BACH2: variants seen among roughly 807,000 people sequenced by gnomAD.
The protein encoded by BACH2 is BACH transcriptional regulator 2, also known as transcription regulator protein BACH2.
Under a neutral mutation model 61.8 loss-of-function variants are expected in BACH2, and 5 were observed. That is an observed-to-expected ratio of 0.08 (90% CI 0.04 to 0.17). The LOEUF is 0.17. Among genes scored for constraint, BACH2 ranks in the 10% least tolerant of loss-of-function variants. The probability of loss-of-function intolerance (pLI) is 1.00; values close to 1 mark genes in which losing one functional copy is unlikely to be tolerated. For synonymous variants in BACH2, 446 were observed against 440.1 expected (o/e 1.01, Z -0.17); for missense variants, 824 against 1,091.1 (o/e 0.76, Z 3.45).
intron 6 of BACH2, among the ~76,000 whole-genome samples, chr6:89,956,174 G>A (rs974671228): frequency 6.6e-5 from 10 of 152,128 alleles, no homozygotes; most frequent in African/African-American, 1.4e-4. Context: ...GCCTCATTTC[G>A]AAGAACATTT....
At chr6:90,058,191 T>A (rs1186246809) in intron 5 of BACH2, among the ~76,000 whole-genome samples, 1 of 152,214 alleles carries the variant, frequency 6.6e-6, no homozygotes, top group Non-Finnish European at 1.5e-5. Context: ...TTGTCCCTCT[T>A]TGCAGATGAC....
intron 5 of BACH2, among the ~76,000 whole-genome samples, chr6:90,069,950 G>C (rs1781146995): frequency 1.3e-5 from 2 of 152,168 alleles, no homozygotes; most frequent in South Asian, 4.1e-4. Flanking sequence ...TTGACTGGCA[G>C]AGGTGGGTGA....
intron 5 of BACH2, among the ~76,000 whole-genome samples, chr6:90,053,077 T>C (rs1184123415): frequency 6.6e-6 from 1 of 152,184 alleles, no homozygotes; most frequent in Non-Finnish European, 1.5e-5. Flanking sequence ...CCAAAGTTAG[T>C]AGTTTAACCC....
chr6:90,180,791 A>G (rs1768131408), intron 4 of BACH2, among the ~76,000 whole-genome samples: 1 of 151,966 alleles, frequency 6.6e-6, no homozygotes, highest in African/African-American at 2.4e-5. Context: ...ATGGAATGGA[A>G]TGCATTCTAT....
At chr6:90,256,889 A>G (rs1770997280) in intron 2 of BACH2, among the ~76,000 whole-genome samples, 1 of 152,192 alleles carries the variant, frequency 6.6e-6, no homozygotes, top group African/African-American at 2.4e-5. Flanking sequence ...TCCTGCCCAC[A>G]ACCCATATCC....
chr6:90,010,855 C>T (rs1375280595), intron 5 of BACH2, among the ~76,000 whole-genome samples: 1 of 152,152 alleles, frequency 6.6e-6, no homozygotes, highest in African/African-American at 2.4e-5. Flanking sequence ...GAGAATCTTC[C>T]ATGTGTTTAT....
intron 6 of BACH2, among the ~76,000 whole-genome samples, chr6:90,004,378 T>G (rs1340093701): frequency 1.3e-5 from 2 of 151,994 alleles, no homozygotes; most frequent in African/African-American, 2.4e-5. Flanking sequence ...AAACATAAGG[T>G]CTACCTGCAG....
chr6:89,943,857 C>T (rs1013624437), intron 7 of BACH2, among the ~76,000 whole-genome samples: 2 of 152,288 alleles, frequency 1.3e-5, no homozygotes, highest in Non-Finnish European at 2.9e-5. Flanking sequence ...TACCCTGAGA[C>T]ACTGATGGTG....
intron 7 of BACH2, among the ~76,000 whole-genome samples, chr6:89,947,966 AGGTT>A (rs1298521704): frequency 6.6e-6 from 1 of 152,170 alleles, no homozygotes; most frequent in Non-Finnish European, 1.5e-5. Flanking sequence ...ACTATTTTAC[AGGTT>A]GAATGAGTCC....
chr6:89,965,713 C>T (rs1775013280), intron 6 of BACH2, among the ~76,000 whole-genome samples: 1 of 152,218 alleles, frequency 6.6e-6, no homozygotes, highest in South Asian at 2.1e-4. Flanking sequence ...TCTTCAAGAA[C>T]TGAAGTCATA....
rs571634952 is a variant in BACH2 at position 90,049,098 on chromosome 6, C to T, written c.-13+39863G>A. Reference sequence around the variant, plus strand: ...CCATCTGATGAGAAATGATGAAAAACCAACTCCATATGCACCATCTCAATC... The same window carrying T: ...CCATCTGATGAGAAATGATGAAAAATCAACTCCATATGCACCATCTCAATC... On this transcript the variant is annotated intron_variant, in intron 5 of 8. Transcript: ENST00000257749. Among the ~76,000 whole-genome samples, 4 of 152,156 alleles carry T rather than the reference C, an allele frequency of 2.6e-5. No individual in the cohort carries two copies. The South Asian group carries it at 8.3e-4, about 32-fold the overall frequency.
At chr6:90,114,064 T>G (rs1167263500) in intron 4 of BACH2, among the ~76,000 whole-genome samples, 1 of 152,094 alleles carries the variant, frequency 6.6e-6, no homozygotes, top group Non-Finnish European at 1.5e-5. Flanking sequence ...ACCTGATGGA[T>G]TCACAGCTGA....
intron 4 of BACH2, among the ~76,000 whole-genome samples, chr6:90,118,538 T>C (rs1172675488): frequency 2.0e-5 from 3 of 152,210 alleles, no homozygotes; most frequent in Non-Finnish European, 4.4e-5. Flanking sequence ...GTTCTATCTA[T>C]ATGTACCTCT....
In BACH2 at chr6:89,931,365, A is replaced by G. The variant is rs1411836433; in HGVS notation, c.*1043T>C. 2 of 152,768 alleles carry G rather than the reference A, an allele frequency of 1.3e-5. No individual in the cohort carries two copies. The highest frequency in any genetic ancestry group is 4.8e-5 in the African/African-American group (2 of 41,458). 9.5% of individuals were successfully genotyped at this position (152,768 alleles called of 1,614,324 possible). On this transcript the variant is annotated 3_prime_UTR_variant, in exon 9 of 9. Coordinates refer to ENST00000257749, the MANE Select transcript of BACH2 (RefSeq NM_021813.4). ...AAAATATTCAAGCAGATTATTGTCTACACATCCTAGGATGAATTCATTATT... is the reference window on the plus strand; with the variant it reads ...AAAATATTCAAGCAGATTATTGTCTGCACATCCTAGGATGAATTCATTATT...
At chr6:90,089,799 T>C (rs748321924) in intron 4 of BACH2, among the ~76,000 whole-genome samples, 20 of 152,182 alleles carry the variant, frequency 1.3e-4, no homozygotes, top group Non-Finnish European at 1.9e-4. Flanking sequence ...ATTTTAGAGA[T>C]GCAGCTACCA....
At chr6:90,226,254 C>A (rs889407630) in intron 3 of BACH2, among the ~76,000 whole-genome samples, 3 of 152,140 alleles carry the variant, frequency 2.0e-5, no homozygotes, top group Non-Finnish European at 4.4e-5. Flanking sequence ...TCTTCAGGAG[C>A]CACACAGCCT....
intron 4 of BACH2, among the ~76,000 whole-genome samples, chr6:90,176,516 CCCA>C (rs1249176053): frequency 6.6e-6 from 1 of 152,060 alleles, no homozygotes; most frequent in Non-Finnish European, 1.5e-5. Flanking sequence ...GGAACAAATC[CCCA>C]AGTGAGGTGC....
chr6:89,983,302 C>G (rs927770431), intron 6 of BACH2, among the ~76,000 whole-genome samples: 1 of 152,198 alleles, frequency 6.6e-6, no homozygotes, highest in Non-Finnish European at 1.5e-5. Flanking sequence ...TGTGAAAAGG[C>G]AGGCATGACA....
chr6:90,221,580 C>G (rs557935870), intron 3 of BACH2, among the ~76,000 whole-genome samples: 1 of 152,046 alleles, frequency 6.6e-6, no homozygotes, highest in Non-Finnish European at 1.5e-5. Context: ...CTACTTAAGA[C>G]GACACCTAAT....
Sources: allele counts gnomAD v4.1 joint callset (sites outside exome capture counted in the v4.1 genomes callset), GRCh38; gene constraint gnomAD v4.1.1; transcripts MANE v1.5; gene names NCBI Gene and HGNC (gene_info 2026-07-23, HGNC 2026-07-21).